TBCD: variants seen among roughly 807,000 people sequenced by gnomAD.
TBCD encodes tubulin folding cofactor D, also known as tubulin-specific chaperone D.
In TBCD, 105 loss-of-function variants were observed where a neutral mutation model predicts 169.3. That is an observed-to-expected ratio of 0.62 (90% CI 0.53 to 0.73). The LOEUF is 0.73. Ranked by LOEUF, TBCD falls within the 30% of genes least tolerant of loss-of-function variation. The probability of loss-of-function intolerance (pLI) is 0.00; values close to 1 mark genes in which losing one functional copy is unlikely to be tolerated. For missense variants in TBCD, 1,444 were observed against 1,600.1 expected, an observed-to-expected ratio of 0.90 and a Z score of 1.66; for synonymous variants, 700 against 643.9, an observed-to-expected ratio of 1.09 and a Z score of -1.32.
chr17:82,815,024 G>A, intron 13 of TBCD, 90 bp downstream of exon 13: 1 of 1,572,380 alleles, frequency 6.4e-7, no homozygotes, highest in Non-Finnish European at 8.6e-7. Context: ...ACTCGTGGAT[G>A]GTGAGTAGCT....
At chr17:82,866,110 G>A (rs1301323957) in intron 13 of TBCD, among the ~76,000 whole-genome samples, 1 of 152,074 alleles carries the variant, frequency 6.6e-6, no homozygotes, top group African/African-American at 2.4e-5. Flanking sequence ...TGATAATAAC[G>A]TTATATAAAA....
intron 13 of TBCD, among the ~76,000 whole-genome samples, chr17:82,828,154 G>GAT (rs2053076298): frequency 1.4e-5 from 1 of 71,042 alleles, no homozygotes; most frequent in Admixed American, 1.6e-4. Flanking sequence ...TACACCCACA[G>GAT]ACACACATGC....
intron 13 of TBCD, among the ~76,000 whole-genome samples, chr17:82,823,791 T>G (rs543203021): frequency 4.6e-5 from 7 of 152,340 alleles, no homozygotes; most frequent in Non-Finnish European, 8.8e-5. Flanking sequence ...TGGCAAAATA[T>G]GTATAACAAA....
In TBCD at chr17:82,832,405, C is replaced by G; in HGVS notation, c.1318+17471C>G. On this transcript the variant is annotated intron_variant, in intron 13 of 38. Coordinates refer to ENST00000355528, the MANE Select transcript of TBCD (RefSeq NM_005993.5). This position sits in a 1 kb window ranked among gnomAD's most constrained non-coding sequence, Gnocchi z 4.9. ...ATACTTGAAGGGCTTTCCTGGAGGC[C>G]TGGGGATGTAATGTGGCTTTTTTGG... 6.2e-7 allele frequency: 1 copy of G among 1,614,102 alleles called. No homozygotes were observed. Among genetic ancestry groups the G allele is most frequent in the Non-Finnish European group, 8.5e-7 (1 of 1,180,034 alleles).
In TBCD at chr17:82,835,854, C is replaced by T. The variant is rs939744787; in HGVS notation, c.1318+20920C>T. Among the ~76,000 whole-genome samples, 7 of 152,190 alleles carry T rather than the reference C, an allele frequency of 4.6e-5. No individual in the cohort carries two copies. Among genetic ancestry groups the T allele is most frequent in the African/African-American group, 1.7e-4 (7 of 41,432 alleles). ...TGGGTAGAAAAGGGGCTCTGCTGAC[C>T]TGCCACCTTCGCTGTGATGAGTTTC... On this transcript the variant is annotated intron_variant, in intron 13 of 38. Coordinates refer to ENST00000355528, the MANE Select transcript of TBCD (RefSeq NM_005993.5). The surrounding 1 kb of genome is among the most constrained non-coding windows in gnomAD (Gnocchi z 4.5).
intron 13 of TBCD, among the ~76,000 whole-genome samples, chr17:82,820,427 T>C (rs2052320310): frequency 6.6e-6 from 1 of 152,254 alleles, no homozygotes; most frequent in African/African-American, 2.4e-5. Context: ...TCCTTATTGA[T>C]TGAGAATTGT....
intron 13 of TBCD, among the ~76,000 whole-genome samples, chr17:82,850,503 CTGTTGGCTGTGCTGT>C (rs1458098763): frequency 1.7e-5 from 2 of 118,280 alleles, no homozygotes; most frequent in Admixed American, 9.4e-5. Context: ...TGCTGTTTTG[CTGTTGGCTGTGCTGT>C]TGTTGGCTGT....
rs1345036830 is a variant in TBCD at position 82,889,583 on chromosome 17, CG to C, written c.1534-84del. The C allele has an allele frequency of 1.3e-6, 2 of 1,535,918 alleles. No homozygotes were observed. Among genetic ancestry groups the C allele is most frequent in the African/African-American group, 2.7e-5 (2 of 73,268 alleles). The stretch of plus-strand genomic sequence containing the variant: ...AAAAAATAAAGCCGTGGGTCATTCA[CG>C]TTGTGCTGTTTGTTCTGAACTTGCC... On this transcript the variant is annotated intron_variant, in intron 15 of 38. Coordinates refer to ENST00000355528, the MANE Select transcript of TBCD (RefSeq NM_005993.5). The surrounding 1 kb of genome is among the most constrained non-coding windows in gnomAD (Gnocchi z 5.3).
chr17:82,856,464 CAG>C (rs2056289257), intron 13 of TBCD, among the ~76,000 whole-genome samples: 1 of 151,948 alleles, frequency 6.6e-6, no homozygotes, highest in Non-Finnish European at 1.5e-5. Flanking sequence ...AGAAAAAAAA[CAG>C]ACGCCCCAAT....
chr17:82,790,646 C>G (rs1437454979), intron 7 of TBCD, among the ~76,000 whole-genome samples: 3 of 152,190 alleles, frequency 2.0e-5, no homozygotes, highest in Non-Finnish European at 4.4e-5. Context: ...CCTGCCGCCC[C>G]CAGCATATGT....
intron 2 of TBCD, among the ~76,000 whole-genome samples, chr17:82,758,038 G>A (rs1056274472): frequency 1.3e-5 from 2 of 152,126 alleles, no homozygotes; most frequent in Non-Finnish European, 2.9e-5. Context: ...ATTAACACTT[G>A]TTGTGAGCTG....
chr17:82,917,374 A>AT (rs1019192851), intron 23 of TBCD, among the ~76,000 whole-genome samples: 2 of 151,944 alleles, frequency 1.3e-5, no homozygotes, highest in Non-Finnish European at 1.5e-5. Context: ...GCATCCTTGA[A>AT]TTTTTTTATT....
intron 12 of TBCD, among the ~76,000 whole-genome samples, chr17:82,814,248 T>C (rs561360846): frequency 6.6e-5 from 10 of 152,354 alleles, no homozygotes; most frequent in Non-Finnish European, 1.5e-4. Flanking sequence ...TCCACTGACG[T>C]CTTCCTGTGC....
intron 13 of TBCD, among the ~76,000 whole-genome samples, chr17:82,855,273 A>ATTTTTTTT (rs1277375028): frequency 1.3e-3 from 75 of 59,638 alleles, no homozygotes; most frequent in African/African-American, 4.1e-3. Context: ...TTTTTTTTTA[A>ATTTTTTTT]TTTTTTAGAG....
At chr17:82,775,016 G>C (rs530311610) in intron 6 of TBCD, among the ~76,000 whole-genome samples, 30 of 152,320 alleles carry the variant, frequency 2.0e-4, no homozygotes, top group African/African-American at 7.0e-4. Context: ...GATTTTTGCC[G>C]AGCTTGGCTC....
intron 7 of TBCD, among the ~76,000 whole-genome samples, chr17:82,783,883 G>A (rs946713256): frequency 6.6e-6 from 1 of 152,192 alleles, no homozygotes; most frequent in Non-Finnish European, 1.5e-5. Context: ...CCAGCACTTT[G>A]GGAGGCCGAG....
At chr17:82,857,937 G>A (rs1320408112) in intron 13 of TBCD, among the ~76,000 whole-genome samples, 1 of 151,600 alleles carries the variant, frequency 6.6e-6, no homozygotes, top group Non-Finnish European at 1.5e-5. Flanking sequence ...TTTTGAAAAA[G>A]GGTCTTGCTG....
chr17:82,846,978 TG>T (rs1390464909), intron 13 of TBCD, among the ~76,000 whole-genome samples: 1 of 152,226 alleles, frequency 6.6e-6, no homozygotes, highest in Non-Finnish European at 1.5e-5. Flanking sequence ...GGCCAAGGTC[TG>T]GGCCCAACCT....
intron 17 of TBCD, among the ~76,000 whole-genome samples, 178 bp downstream of exon 17, chr17:82,893,810 G>A (rs189020757): frequency 2.0e-5 from 3 of 152,328 alleles, no homozygotes; most frequent in Non-Finnish European, 4.4e-5. Flanking sequence ...GTTTCATGTT[G>A]ATTGGACACA....
Sources: gnomAD v4.1 joint callset for allele counts (sites outside exome capture counted in the v4.1 genomes callset) on GRCh38, gnomAD v4.1.1 for gene constraint, Gnocchi (gnomAD v3.1) non-coding constraint, MANE v1.5 for transcripts, NCBI Gene and HGNC (gene_info 2026-07-23, HGNC 2026-07-21) for gene names.